Variants in ABCA1 observed in about 807,000 individuals in gnomAD.
ABCA1 encodes phospholipid-transporting ATPase ABCA1.
In ABCA1, 133 loss-of-function variants were observed where a neutral mutation model predicts 262.5. The observed-to-expected ratio is 0.51, with a 90% CI of 0.44 to 0.59. ABCA1 has a LOEUF of 0.59. Among genes scored for constraint, ABCA1 ranks in the 20% least tolerant of loss-of-function variants. ABCA1 has a pLI of 0.00. For synonymous variants in ABCA1, 1,022 were observed against 1,043.5 expected (o/e 0.98, Z 0.40); for missense variants, 2,452 against 2,777.5 (o/e 0.88, Z 2.63).
chr9:104,879,754 T>G (rs1838466888), intron 5 of ABCA1, among the ~76,000 whole-genome samples: 1 of 152,172 alleles, frequency 6.6e-6, no homozygotes, highest in South Asian at 2.1e-4. Flanking sequence ...TCAGACTGCA[T>G]TAACGGAAAT....
Position 104,903,768 on chromosome 9 carries a change from T to A in ABCA1, c.-89A>T. 2 of 1,244,742 alleles carry A rather than the reference T, an allele frequency of 1.6e-6. No individual in the cohort carries two copies. Among genetic ancestry groups the A allele is most frequent in the Non-Finnish European group, 2.3e-6 (2 of 872,438 alleles). 77.1% of individuals were successfully genotyped at this position (1,244,742 alleles called of 1,614,324 possible). On this transcript the variant is annotated 5_prime_UTR_variant, in exon 2 of 50. It removes an upstream start codon present in the reference 5' UTR. Coordinates refer to ENST00000374736, the MANE Select transcript of ABCA1 (RefSeq NM_005502.4). ...ACAGCAGGGACGCCGTGGCTGGTCA[T>A]TAACTGAAAGATAAAGCAGGAGGGG...
chr9:104,837,080 T>C lies in ABCA1; in HGVS notation c.1211A>G (p.Gln404Arg). 6.2e-7 allele frequency: 1 copy of C among 1,613,428 alleles called. No individual in the cohort carries two copies. Among genetic ancestry groups the C allele is most frequent in the Non-Finnish European group, 8.5e-7 (1 of 1,179,968 alleles). ...CAGATCATGGAACACAGCCAGTTCC[T>C]GGAAGGTCTTGTTCACCTGGAGTCA... ...QVMAEVNKTFQELAVFHDLEG... is the reference protein window; with the variant it reads ...QVMAEVNKTFRELAVFHDLEG... Residue 404 changes from glutamine to arginine, a missense_variant, in exon 11 of 50, where the codon CAG becomes CGG. Gln to Arg is a conservative substitution (Grantham distance 43). This residue lies in a region of ABCA1 where 1,032 missense variants were observed against 1,089.7 expected (regional missense o/e 0.95). Coordinates refer to ENST00000374736, the MANE Select transcript of ABCA1 (RefSeq NM_005502.4).
At position 104,784,065 on chromosome 9, in the gene ABCA1, A is replaced by G. The variant is rs1411370102; in HGVS notation, c.*250T>C. ...TTCCATAATAGAGTTTCACATAGGT[A>G]TAGGTAAAAAACTAAATTCAAGTCT... is the stretch of plus-strand genomic sequence containing the variant. On this transcript the variant is annotated 3_prime_UTR_variant, in exon 50 of 50. Transcript: ENST00000374736. The G allele has an allele frequency of 4.1e-6, 2 of 485,208 alleles. No individual in the cohort carries two copies. The highest frequency in any genetic ancestry group is 3.4e-5 in the Admixed American group (1 of 29,374). The allele number at this position is 485,208 out of a possible 1,614,324, so 30.1% of individuals were successfully genotyped here.
chr9:104,893,107 C>CAA (rs1564262938), intron 2 of ABCA1, among the ~76,000 whole-genome samples: 4 of 152,102 alleles, frequency 2.6e-5, no homozygotes, highest in South Asian at 2.1e-4. Flanking sequence ...TTTTAAATGG[C>CAA]ATGACTGTAA....
intron 1 of ABCA1, among the ~76,000 whole-genome samples, chr9:104,908,196 G>A (rs1841285400): frequency 6.6e-6 from 1 of 152,198 alleles, no homozygotes; most frequent in African/African-American, 2.4e-5. Flanking sequence ...CTGTGGAATT[G>A]TAAAATGGAA....
At chr9:104,836,937 C>T (rs1436390017) in intron 11 of ABCA1, 43 bp downstream of exon 11, 1 of 1,476,750 alleles carries the variant, frequency 6.8e-7, no homozygotes, top group Non-Finnish European at 9.5e-7. Context: ...CTCACCTCTC[C>T]AGTATCAAGC....
At position 104,891,937 on chromosome 9, in the gene ABCA1, C is replaced by A. The variant is rs1202832933; in HGVS notation, c.67-2742G>T. ...CTGAGATCACGCCACTGCACTCCGG[C>A]CTGGGCGACAGAGCAAGACTCTGTC... On this transcript the variant is annotated intron_variant, in intron 2 of 49. Coordinates refer to ENST00000374736, the MANE Select transcript of ABCA1 (RefSeq NM_005502.4). 4.4e-5 allele frequency among the ~76,000 whole-genome samples: 6 copies of A among 135,500 alleles called. No homozygotes were observed. In the South Asian group the frequency reaches 7.5e-4, roughly 17 times the overall value. 88.9% of individuals were successfully genotyped at this position (135,500 alleles called of 152,430 possible).
At position 104,786,274 on chromosome 9, in the gene ABCA1, TCCCAAAGAA is replaced by T; in HGVS notation, c.6401+15_6401+23del. ...TATCAAGCCTTCTCACTAGGCACTA[TCCCAAAGAA>T]ATTATCTTTATTACCTATTTTTTAG... On this transcript the variant is annotated intron_variant, in intron 48 of 49. Transcript: ENST00000374736. The T allele has an allele frequency of 6.3e-7, 1 of 1,578,116 alleles. No individual in the cohort carries two copies. The highest frequency in any genetic ancestry group is 1.1e-5 in the South Asian group (1 of 90,352).
At chr9:104,869,751 GGA>G (rs1376247675) in intron 5 of ABCA1, among the ~76,000 whole-genome samples, 1 of 152,138 alleles carries the variant, frequency 6.6e-6, no homozygotes, top group Non-Finnish European at 1.5e-5. Flanking sequence ...TTCCAACCCA[GGA>G]GACACTTCCT....
intron 5 of ABCA1, among the ~76,000 whole-genome samples, chr9:104,873,269 T>C (rs1046528527): frequency 2.0e-5 from 3 of 152,222 alleles, no homozygotes; most frequent in Non-Finnish European, 2.9e-5. Flanking sequence ...CCCAACAAGA[T>C]GACACACTGG....
At chr9:104,915,621 T>C (rs1841798776) in intron 1 of ABCA1, among the ~76,000 whole-genome samples, 1 of 152,142 alleles carries the variant, frequency 6.6e-6, no homozygotes, top group Non-Finnish European at 1.5e-5. Context: ...ATTCTGAGTG[T>C]TCCTTATAGA....
intron 40 of ABCA1, 43 bp from the exon 41 acceptor site, chr9:104,793,343 A>G: frequency 6.2e-7 from 1 of 1,613,360 alleles, no homozygotes; most frequent in Non-Finnish European, 8.5e-7. Context: ...TGGAGGGATC[A>G]AAAACCATGG....
chr9:104,901,465 A>T (rs1284062599), intron 2 of ABCA1, among the ~76,000 whole-genome samples: 2 of 152,178 alleles, frequency 1.3e-5, no homozygotes, highest in Non-Finnish European at 2.9e-5. Context: ...GACACACAAC[A>T]TGGATAAACC....
At chr9:104,842,676 T>C (rs12002265) in intron 8 of ABCA1, among the ~76,000 whole-genome samples, 21,113 of 152,122 alleles carry the variant, frequency 0.14, 2,605 homozygotes, top group African/African-American at 0.34. Flanking sequence ...ACATCATCGG[T>C]TGAGTGAATG....
At position 104,820,213 on chromosome 9, in the gene ABCA1, CT is replaced by C. The variant is rs1171112228; in HGVS notation, c.2961-145del. ...ACTTTATCAATTTCTGAAAAATAAT[CT>C]TCAAGATTCAAGGTAGAACAACAGT... is the stretch of plus-strand genomic sequence containing the variant. On this transcript the variant is annotated intron_variant, in intron 20 of 49. Coordinates refer to ENST00000374736, the MANE Select transcript of ABCA1 (RefSeq NM_005502.4). The C allele has an allele frequency of 9.2e-6, 10 of 1,085,460 alleles. No homozygotes were observed. The African/African-American group carries it at 1.4e-4, about 15-fold the overall frequency. 67.2% of individuals were successfully genotyped at this position (1,085,460 alleles called of 1,614,324 possible).
intron 7 of ABCA1, chr9:104,855,730 A>G (rs778002043): frequency 6.0e-5 from 93 of 1,545,750 alleles, no homozygotes; most frequent in Non-Finnish European, 7.9e-5. Context: ...TCCGACATCA[A>G]TGCTGGTAAA....
chr9:104,905,487 T>C (rs992587533), intron 1 of ABCA1, among the ~76,000 whole-genome samples: 2 of 152,210 alleles, frequency 1.3e-5, no homozygotes, highest in African/African-American at 4.8e-5. Flanking sequence ...TCTGAAATAG[T>C]CAAGCCTTAG....
At chr9:104,793,041 C>T in intron 41 of ABCA1, 130 bp downstream of exon 41, 1 of 1,582,596 alleles carries the variant, frequency 6.3e-7, no homozygotes, top group Non-Finnish European at 8.7e-7. Context: ...GGGATGCCCA[C>T]ATCAGGAAAA....
chr9:104,818,705 A>G lies in ABCA1; in HGVS notation c.3420T>C (p.Ser1140=). The stretch of plus-strand genomic sequence containing the variant: ...CAGTGCTACTACTGTTTCTGCAGGA[A>G]CTGAGGGAGGATTCCACATCTTTCT... ...LVKKDVESSL[S]SCRNSSSTVS... Residue 1140 remains serine, a synonymous_variant, in exon 23 of 50, where the codon AGT becomes AGC. Coordinates refer to ENST00000374736, the MANE Select transcript of ABCA1 (RefSeq NM_005502.4). 6.2e-7 allele frequency: 1 copy of G among 1,613,560 alleles called. No homozygotes were observed. The highest frequency in any genetic ancestry group is 1.1e-5 in the South Asian group (1 of 91,038).
Sources: gnomAD v4.1 joint callset for allele counts (sites outside exome capture counted in the v4.1 genomes callset) on GRCh38, gnomAD v4.1.1 for gene constraint, gnomAD v4.1.1 regional missense constraint, MANE v1.5 for transcripts, NCBI Gene and HGNC (gene_info 2026-07-23, HGNC 2026-07-21) for gene names.